Variants in EPSTI1 observed in about 807,000 individuals in gnomAD.
The protein encoded by EPSTI1 is epithelial stromal interaction 1.
EPSTI1 carries 66 observed loss-of-function variants against 49.9 expected under a neutral mutation model. The observed-to-expected ratio is 1.32, with a 90% CI of 1.08 to 1.62. The LOEUF is 1.62. Among genes scored for constraint, EPSTI1 ranks in the 40% most tolerant of loss-of-function variants. The pLI is 0.00. For synonymous variants in EPSTI1, 137 were observed against 130.7 expected (o/e 1.05, Z -0.33); for missense variants, 394 against 365.5 (o/e 1.08, Z -0.64).
At chr13:42,972,258 C>T (rs1566172748) in intron 1 of EPSTI1, among the ~76,000 whole-genome samples, 1 of 152,140 alleles carries the variant, frequency 6.6e-6, no homozygotes, top group Non-Finnish European at 1.5e-5. Context: ...CAGCCTTTAT[C>T]GTGCATCATA....
At chr13:42,896,419 A>G (rs990529856) in intron 9 of EPSTI1, among the ~76,000 whole-genome samples, 4 of 152,138 alleles carry the variant, frequency 2.6e-5, no homozygotes, top group Non-Finnish European at 5.9e-5. Context: ...GACTGCCTGC[A>G]TGCCTGGAGC....
chr13:42,979,147 C>A (rs2039936871), intron 1 of EPSTI1, among the ~76,000 whole-genome samples: 1 of 152,056 alleles, frequency 6.6e-6, no homozygotes, highest in African/African-American at 2.4e-5. Flanking sequence ...GAAAACGGCA[C>A]AAATTTTAAG....
intron 6 of EPSTI1, among the ~76,000 whole-genome samples, chr13:42,948,821 A>G (rs1254423690): frequency 6.6e-6 from 1 of 152,176 alleles, no homozygotes; most frequent in Admixed American, 6.5e-5. Flanking sequence ...AGAACAAAGC[A>G]CTTTGTATTT....
chr13:42,974,865 T>G (rs2039850861), intron 1 of EPSTI1, among the ~76,000 whole-genome samples: 1 of 152,200 alleles, frequency 6.6e-6, no homozygotes, highest in Non-Finnish European at 1.5e-5. Context: ...AGATGTAATT[T>G]AAATTTGTAA....
intron 8 of EPSTI1, among the ~76,000 whole-genome samples, chr13:42,901,830 T>C (rs2037362296): frequency 6.6e-6 from 1 of 152,170 alleles, no homozygotes; most frequent in Non-Finnish European, 1.5e-5. Flanking sequence ...GTTAGTTACA[T>C]ATGTATACAT....
intron 8 of EPSTI1, among the ~76,000 whole-genome samples, chr13:42,903,204 T>C (rs2037408483): frequency 2.4e-5 from 2 of 82,684 alleles, no homozygotes; most frequent in South Asian, 3.2e-4. Flanking sequence ...ATATGCATAC[T>C]ATGACATGTT....
At chr13:42,921,252 CAG>C (rs1566118435) in intron 7 of EPSTI1, among the ~76,000 whole-genome samples, 1 of 152,080 alleles carries the variant, frequency 6.6e-6, no homozygotes, top group African/African-American at 2.4e-5. Context: ...TCAGGGGAAA[CAG>C]AGAAAATCCT....
intron 1 of EPSTI1, among the ~76,000 whole-genome samples, chr13:42,986,836 C>A (rs1180696732): frequency 6.6e-6 from 1 of 151,120 alleles, no homozygotes; most frequent in Non-Finnish European, 1.5e-5. Context: ...CACCAATGGC[C>A]ACTGATTTAA....
At chr13:42,960,066 T>C (rs1204917657) in intron 5 of EPSTI1, among the ~76,000 whole-genome samples, 6 of 152,180 alleles carry the variant, frequency 3.9e-5, no homozygotes, top group Non-Finnish European at 8.8e-5. Flanking sequence ...CCATTTTATA[T>C]AGGATTTTGG....
chr13:42,900,368 G>C lies in EPSTI1; in HGVS notation c.757C>G (p.Leu253Val). The change falls in exon 9 of 11, where the codon CTG becomes GTG. Residue 253 changes from leucine (L) to valine (V), a missense_variant. Physicochemically the swap from Leu to Val is conservative, Grantham distance 32. Transcript: ENST00000313624. ...EQHQKSELLE[L>V]KRQQQEQERA... The stretch of plus-strand genomic sequence containing the variant: ...TCTTGCTCTTGCTGCTGCCGTTTCA[G>C]TTCCAGTAATTCACTCTAGGAACAA... 6.2e-7 allele frequency: 1 copy of C among 1,613,562 alleles called. No individual in the cohort carries two copies. Among genetic ancestry groups the C allele is most frequent in the East Asian group, 2.2e-5 (1 of 44,830 alleles).
At chr13:42,942,781 C>T (rs1004126662) in intron 6 of EPSTI1, among the ~76,000 whole-genome samples, 16 of 147,908 alleles carry the variant, frequency 1.1e-4, no homozygotes, top group Non-Finnish European at 1.3e-4. Context: ...CTCCGCTTCC[C>T]GGGTTCACGC....
intron 8 of EPSTI1, among the ~76,000 whole-genome samples, chr13:42,901,570 CAA>C (rs2037353386): frequency 6.6e-6 from 1 of 152,122 alleles, no homozygotes; most frequent in South Asian, 2.1e-4. Flanking sequence ...GCTTTATGCT[CAA>C]GTCTCACTCT....
At chr13:42,989,338 T>C (rs1055457627) in intron 1 of EPSTI1, among the ~76,000 whole-genome samples, 1 of 152,048 alleles carries the variant, frequency 6.6e-6, no homozygotes, top group Non-Finnish European at 1.5e-5. Context: ...AACTGAGGCA[T>C]AAAGTAGCTA....
At chr13:42,921,633 G>C (rs2037997227) in intron 7 of EPSTI1, among the ~76,000 whole-genome samples, 1 of 152,192 alleles carries the variant, frequency 6.6e-6, no homozygotes, top group Non-Finnish European at 1.5e-5. Flanking sequence ...CTGCACATTA[G>C]AATGGCCCGG....
chr13:42,910,844 G>T (rs1393678522), intron 8 of EPSTI1, among the ~76,000 whole-genome samples: 2 of 152,124 alleles, frequency 1.3e-5, no homozygotes, highest in African/African-American at 2.4e-5. Context: ...TTTGGTAGGG[G>T]TTGCAAACAT....
intron 1 of EPSTI1, among the ~76,000 whole-genome samples, chr13:42,979,244 T>C (rs2039938639): frequency 6.6e-6 from 1 of 152,198 alleles, no homozygotes; most frequent in African/African-American, 2.4e-5. Context: ...CAATGAGCTT[T>C]AGAATATCAC....
At chr13:42,900,481 T>G in intron 8 of EPSTI1, 98 bp from the exon 9 acceptor site, 1 of 1,179,798 alleles carries the variant, frequency 8.5e-7, no homozygotes, top group South Asian at 1.4e-5. Flanking sequence ...ACTGGTACAA[T>G]ATTTCATTTT....
At chr13:42,930,485 G>A (rs2038326846) in intron 6 of EPSTI1, among the ~76,000 whole-genome samples, 1 of 152,204 alleles carries the variant, frequency 6.6e-6, no homozygotes, top group Non-Finnish European at 1.5e-5. Context: ...AAGAGAGTGA[G>A]AGATAATCTA....
chr13:42,904,662 G>A (rs1198064708), intron 8 of EPSTI1, among the ~76,000 whole-genome samples: 2 of 152,148 alleles, frequency 1.3e-5, no homozygotes, highest in East Asian at 1.9e-4. Context: ...GACCATCAGC[G>A]CAATGGAATA....
Sources: gnomAD v4.1 joint callset for allele counts (sites outside exome capture counted in the v4.1 genomes callset) on GRCh38, gnomAD v4.1.1 for gene constraint, MANE v1.5 for transcripts, NCBI Gene and HGNC (gene_info 2026-07-23, HGNC 2026-07-21) for gene names.